Variants in MYOF observed in about 807,000 individuals in gnomAD.
MYOF encodes myoferlin.
In MYOF, 244 loss-of-function variants were observed where a neutral mutation model predicts 284.2. That is an observed-to-expected ratio of 0.86 (90% CI 0.77 to 0.95). The LOEUF is 0.95. Ranked by LOEUF, MYOF falls within the 40% of genes least tolerant of loss-of-function variation. MYOF has a pLI of 0.00. For synonymous variants in MYOF, 904 were observed against 919.7 expected, an observed-to-expected ratio of 0.98 and a Z score of 0.31; for missense variants, 2,496 against 2,560.6, an observed-to-expected ratio of 0.97 and a Z score of 0.54.
At chr10:93,348,668 C>G (rs2133878034) in intron 36 of MYOF, among the ~76,000 whole-genome samples, 1 of 146,160 alleles carries the variant, frequency 6.8e-6, no homozygotes, top group Non-Finnish European at 1.5e-5. Context: ...CCGTCTGTCG[C>G]ATGATAGGGA....
At chr10:93,320,680 G>T (rs113052000) in intron 48 of MYOF, among the ~76,000 whole-genome samples, 243 of 152,128 alleles carry the variant, frequency 1.6e-3, no homozygotes, top group African/African-American at 5.6e-3. Flanking sequence ...ACCTACTGAA[G>T]GAATGAATGA....
At chr10:93,339,829 C>T (rs1843806425) in intron 39 of MYOF, among the ~76,000 whole-genome samples, 1 of 152,030 alleles carries the variant, frequency 6.6e-6, no homozygotes, top group African/African-American at 2.4e-5. Flanking sequence ...CCTGTAATCA[C>T]AGCACTTTGG....
At chr10:93,406,198 A>G (rs1301809092) in intron 7 of MYOF, among the ~76,000 whole-genome samples, 1 of 147,210 alleles carries the variant, frequency 6.8e-6, no homozygotes, top group African/African-American at 2.5e-5. Flanking sequence ...ATCTCCAATG[A>G]TCTACCCACC....
Position 93,401,374 on chromosome 10 carries a change from A to C in MYOF, c.1117+44T>G, listed in dbSNP as rs564407394. The C allele has an allele frequency of 2.5e-6, 4 of 1,604,004 alleles. No homozygotes were observed. In the Admixed American group the frequency reaches 6.9e-5, roughly 27 times the overall value. ...TTTGATTTTTAACACATTTCATCAC[A>C]CACATAATCAACAATTCTGGGGCAA... On this transcript the variant is annotated intron_variant, in intron 12 of 53. Coordinates refer to ENST00000359263, the MANE Select transcript of MYOF (RefSeq NM_013451.4).
intron 2 of MYOF, among the ~76,000 whole-genome samples, chr10:93,452,550 C>T (rs788108): frequency 0.78 from 97,361 of 124,388 alleles, 37,871 homozygotes; most frequent in African/African-American, 0.82. Context: ...CACTGGGGCC[C>T]GTTGTGGGGT....
At chr10:93,378,324 G>A (rs1017703794) in intron 21 of MYOF, among the ~76,000 whole-genome samples, 2 of 152,156 alleles carry the variant, frequency 1.3e-5, no homozygotes, top group African/African-American at 2.4e-5. Flanking sequence ...AATTGCTGAA[G>A]AGCATCTCAA....
intron 1 of MYOF, 123 bp from the exon 2 acceptor site, chr10:93,457,060 G>A (rs955444156): frequency 4.6e-5 from 31 of 679,332 alleles, no homozygotes; most frequent in Admixed American, 1.9e-4. Flanking sequence ...CCCATTCATC[G>A]CTTAGGATGG....
intron 27 of MYOF, among the ~76,000 whole-genome samples, chr10:93,363,345 A>G (rs1845167002): frequency 6.6e-6 from 1 of 152,208 alleles, no homozygotes; most frequent in Non-Finnish European, 1.5e-5. Context: ...GGATTTTTTA[A>G]AGACAGAAAC....
chr10:93,438,380 T>C (rs911681054), intron 3 of MYOF, among the ~76,000 whole-genome samples: 1 of 152,124 alleles, frequency 6.6e-6, no homozygotes, highest in Admixed American at 6.5e-5. Context: ...AACACGCCCA[T>C]GGCAGCAGCT....
At position 93,408,792 on chromosome 10, in the gene MYOF, C is replaced by T. The variant is rs1847755824; in HGVS notation, c.724G>A (p.Asp242Asn). The T allele has an allele frequency of 6.2e-7, 1 of 1,613,856 alleles. No individual in the cohort carries two copies. Among genetic ancestry groups the T allele is most frequent in the Admixed American group, 1.7e-5 (1 of 60,000 alleles). Residue 242 changes from aspartate (D) to asparagine (N), a missense_variant, in exon 7 of 54, where the codon GAT (aspartate) becomes AAT (asparagine). Physicochemically the swap from Asp to Asn is conservative, Grantham distance 23. Transcript: ENST00000359263. ...RIKRGNNPFF[D>N]ELFFYNVNMT... ...TGCCCTCTCAACCCCTTTACCTCAT[C>T]AAAAAAAGGGTTGTTTCCTCTCTTG...
At chr10:93,329,251 T>C (rs1033091715) in intron 44 of MYOF, among the ~76,000 whole-genome samples, 1 of 152,202 alleles carries the variant, frequency 6.6e-6, no homozygotes, top group African/African-American at 2.4e-5. Context: ...GGAAAGACAC[T>C]GTATACCAGG....
At chr10:93,310,712 G>A in intron 51 of MYOF, 69 bp from the exon 52 acceptor site, 8 of 1,385,556 alleles carry the variant, frequency 5.8e-6, no homozygotes, top group South Asian at 1.2e-5. Flanking sequence ...TCAACCCAAG[G>A]AGTATTCCCC....
chr10:93,387,797 CT>C lies in MYOF; in HGVS notation c.1697del (p.Glu566GlyfsTer78). On this transcript the variant is annotated frameshift_variant and splice_region_variant, in exon 19 of 54. Transcript: ENST00000359263. LOFTEE classifies it high-confidence loss of function. ...PISNDDLLVV[E>X]KYQRRRKYSL... is the part of the protein sequence containing the mutation. ...GCATTACTCACACTTTAACATTTAC[CT>C]CAACAACCAGCAGGTCATCATTTGA... The C allele has an allele frequency of 6.2e-7, 1 of 1,612,718 alleles. No individual in the cohort carries two copies. Among genetic ancestry groups the C allele is most frequent in the Non-Finnish European group, 8.5e-7 (1 of 1,178,730 alleles).
rs2133928900 is a variant in MYOF at position 93,361,537 on chromosome 10, T to C, written c.2889A>G (p.Ser963=). 1 of 1,614,198 alleles carries C rather than the reference T, an allele frequency of 6.2e-7. No individual in the cohort carries two copies. Among genetic ancestry groups the C allele is most frequent in the East Asian group, 2.2e-5 (1 of 44,896 alleles). ...CTGGAGGACAAGTCAACTCGCTGGGTGATGCTGCTTTATCGCCGTTCTTAC... is the reference window on the plus strand; with the variant it reads ...CTGGAGGACAAGTCAACTCGCTGGGCGATGCTGCTTTATCGCCGTTCTTAC... ...YTDANGDKAA[S]PSELTCPPGW... is the part of the protein sequence containing the mutation. The change falls in exon 28 of 54, where the codon TCA becomes TCG. Residue 963 remains serine (S), a synonymous_variant. Transcript: ENST00000359263.
intron 2 of MYOF, among the ~76,000 whole-genome samples, chr10:93,455,109 G>C (rs188699941): frequency 2.4e-3 from 355 of 149,970 alleles, no homozygotes; most frequent in Non-Finnish European, 4.0e-3. Context: ...GATCAACATG[G>C]AGAAACCCCA....
chr10:93,336,886 GAAA>G (rs1843633986), intron 40 of MYOF, among the ~76,000 whole-genome samples: 1 of 146,934 alleles, frequency 6.8e-6, no homozygotes, highest in Non-Finnish European at 1.5e-5. Flanking sequence ...GGAAAGAGAA[GAAA>G]GGAAGGAAAG....
chr10:93,368,141 A>G (rs1441989348), intron 25 of MYOF, among the ~76,000 whole-genome samples: 1 of 152,132 alleles, frequency 6.6e-6, no homozygotes, highest in Non-Finnish European at 1.5e-5. Context: ...GAAGGCAGGA[A>G]TGAGCCTCTC....
chr10:93,333,172 G>T, intron 43 of MYOF, 49 bp downstream of exon 43: 1 of 1,473,072 alleles, frequency 6.8e-7, no homozygotes, highest in Non-Finnish European at 9.5e-7. Flanking sequence ...CTTCATGCAT[G>T]TTCCGTGGAG....
intron 51 of MYOF, among the ~76,000 whole-genome samples, chr10:93,312,335 C>T (rs73315515): frequency 0.01 from 1,094 of 105,670 alleles, 10 homozygotes; most frequent in African/African-American, 0.034. Flanking sequence ...CTTCTTCCAC[C>T]TCTCTTTTTT....
Sources: gnomAD v4.1 joint callset for allele counts (sites outside exome capture counted in the v4.1 genomes callset) on GRCh38, gnomAD v4.1.1 for gene constraint, MANE v1.5 for transcripts, NCBI Gene and HGNC (gene_info 2026-07-23, HGNC 2026-07-21) for gene names.